ADAMTS17: variants seen among roughly 807,000 people sequenced by gnomAD.
The protein encoded by ADAMTS17 is A disintegrin and metalloproteinase with thrombospondin motifs 17.
In ADAMTS17, 113 loss-of-function variants were observed where a neutral mutation model predicts 141.5. That is an observed-to-expected ratio of 0.80 (90% CI 0.69 to 0.93). The LOEUF is 0.93. Among genes scored for constraint, ADAMTS17 ranks in the 40% least tolerant of loss-of-function variants. ADAMTS17 has a pLI of 0.00. For synonymous variants in ADAMTS17, 768 were observed against 630.6 expected (o/e 1.22, Z -3.27); for missense variants, 1,659 against 1,517.9 (o/e 1.09, Z -1.54).
At chr15:100,113,073 C>A (rs1261862509) in intron 13 of ADAMTS17, among the ~76,000 whole-genome samples, 4 of 152,150 alleles carry the variant, frequency 2.6e-5, no homozygotes, top group Admixed American at 6.5e-5. Context: ...ACTCAGACTC[C>A]TGTTCCCAAA....
intron 17 of ADAMTS17, among the ~76,000 whole-genome samples, chr15:100,049,405 T>C (rs914795847): frequency 8.5e-5 from 13 of 152,170 alleles, no homozygotes; most frequent in African/African-American, 3.1e-4. Flanking sequence ...GGCTACCTAT[T>C]ACAGAATTCC....
chr15:100,206,260 AGCCTGCCGGATGGCT>A (rs764972538), intron 7 of ADAMTS17, among the ~76,000 whole-genome samples: 8 of 152,084 alleles, frequency 5.3e-5, no homozygotes, highest in Non-Finnish European at 7.3e-5. Context: ...TGCCCTGACC[AGCCTGCCGGATGGCT>A]GCACCTCAGC....
intron 10 of ADAMTS17, among the ~76,000 whole-genome samples, chr15:100,152,352 G>A (rs1466181064): frequency 6.6e-6 from 1 of 152,142 alleles, no homozygotes; most frequent in African/African-American, 2.4e-5. Context: ...ACTGTGTGTA[G>A]ATGTGTGCCT....
intron 7 of ADAMTS17, among the ~76,000 whole-genome samples, chr15:100,223,808 T>C (rs994364413): frequency 6.6e-6 from 1 of 151,728 alleles, no homozygotes; most frequent in Non-Finnish European, 1.5e-5. Flanking sequence ...TATATATATG[T>C]GTGTGTGTGT....
intron 15 of ADAMTS17, among the ~76,000 whole-genome samples, chr15:100,070,024 G>A (rs2033854144): frequency 6.7e-6 from 1 of 150,020 alleles, no homozygotes; most frequent in African/African-American, 2.5e-5. Flanking sequence ...ACACACATAG[G>A]CTCAAAATAA....
intron 18 of ADAMTS17, among the ~76,000 whole-genome samples, chr15:100,038,956 A>G (rs2727140): frequency 0.046 from 7,013 of 152,264 alleles, 330 homozygotes; most frequent in African/African-American, 0.12. Flanking sequence ...GGTTCTTGGC[A>G]GATGCTCTTT....
At chr15:100,193,391 A>G (rs148523053) in intron 8 of ADAMTS17, among the ~76,000 whole-genome samples, 12 of 152,102 alleles carry the variant, frequency 7.9e-5, no homozygotes, top group Non-Finnish European at 1.6e-4. Context: ...AGAGAGGTGA[A>G]GTGGGTGGGT....
intron 7 of ADAMTS17, among the ~76,000 whole-genome samples, chr15:100,216,303 T>G (rs528939432): frequency 6.6e-6 from 1 of 152,240 alleles, no homozygotes; most frequent in Admixed American, 6.5e-5. Context: ...AGAAAGTATT[T>G]CTCAAGCCAA....
chr15:100,100,917 A>C (rs1308311122), intron 14 of ADAMTS17, among the ~76,000 whole-genome samples: 2 of 135,762 alleles, frequency 1.5e-5, no homozygotes, highest in Non-Finnish European at 1.6e-5. Flanking sequence ...AACCCCCTCC[A>C]GCCCACTCTT....
intron 7 of ADAMTS17, among the ~76,000 whole-genome samples, chr15:100,205,098 C>A (rs1240649663): frequency 6.6e-6 from 1 of 152,108 alleles, no homozygotes; most frequent in Non-Finnish European, 1.5e-5. Flanking sequence ...TTAATGAGAC[C>A]ACAGCTTAGG....
At chr15:100,009,500 G>T (rs1355176250) in intron 18 of ADAMTS17, among the ~76,000 whole-genome samples, 1 of 152,126 alleles carries the variant, frequency 6.6e-6, no homozygotes, top group Non-Finnish European at 1.5e-5. Flanking sequence ...GTGCCACCTT[G>T]GGGGAGTCTG....
At chr15:100,102,707 G>A (rs992996985) in intron 14 of ADAMTS17, among the ~76,000 whole-genome samples, 6 of 152,142 alleles carry the variant, frequency 3.9e-5, no homozygotes, top group East Asian at 1.9e-4. Context: ...TAACCCCAAC[G>A]CAGAAGGCTG....
intron 15 of ADAMTS17, among the ~76,000 whole-genome samples, chr15:100,075,366 T>C (rs1217448724): frequency 1.3e-5 from 2 of 152,244 alleles, no homozygotes; most frequent in African/African-American, 4.8e-5. Context: ...GAGATGGGCT[T>C]ATGGGAATTC....
chr15:100,179,097 T>C (rs533829798), intron 8 of ADAMTS17, among the ~76,000 whole-genome samples: 1 of 152,308 alleles, frequency 6.6e-6, no homozygotes, highest in Non-Finnish European at 1.5e-5. Flanking sequence ...AAGTATACTT[T>C]TTTAGTTATT....
At chr15:100,252,051 A>G (rs559270078) in intron 7 of ADAMTS17, among the ~76,000 whole-genome samples, 37 of 152,312 alleles carry the variant, frequency 2.4e-4, no homozygotes, top group African/African-American at 7.2e-4. Context: ...AAAAAGTAGT[A>G]TGATGATGTG....
intron 10 of ADAMTS17, among the ~76,000 whole-genome samples, chr15:100,146,930 C>G (rs2038934804): frequency 6.6e-6 from 1 of 152,164 alleles, no homozygotes; most frequent in Non-Finnish European, 1.5e-5. Context: ...TCTCAAAACT[C>G]TGTCTCCTGA....
chr15:100,177,134 CAG>C lies in ADAMTS17; in HGVS notation c.1182-21816_1182-21815del, dbSNP rs1736643131. Among the ~76,000 whole-genome samples the C allele has an allele frequency of 5.3e-5, 8 of 152,352 alleles. No homozygotes were observed. In the South Asian group the frequency reaches 1.7e-3, roughly 32 times the overall value. On this transcript the variant is annotated intron_variant, in intron 8 of 21. Coordinates refer to ENST00000268070, the MANE Select transcript of ADAMTS17 (RefSeq NM_139057.4). ...CCAATTCTCTGGGATAAATGCACAA[CAG>C]TGCAATTGCTGGGCCATACGTTAAG... is the stretch of plus-strand genomic sequence containing the variant.
At chr15:100,335,694 C>T (rs1201612753) in intron 2 of ADAMTS17, among the ~76,000 whole-genome samples, 5 of 152,234 alleles carry the variant, frequency 3.3e-5, no homozygotes, top group Admixed American at 2.0e-4. Flanking sequence ...TTTTTAATGC[C>T]TTAATGTGCC....
chr15:100,340,388 T>C (rs980348098), intron 2 of ADAMTS17, among the ~76,000 whole-genome samples: 1 of 152,156 alleles, frequency 6.6e-6, no homozygotes, highest in Non-Finnish European at 1.5e-5. Flanking sequence ...TTATCACCAA[T>C]GTAAACACCC....
Sources: allele counts gnomAD v4.1 joint callset (sites outside exome capture counted in the v4.1 genomes callset), GRCh38; gene constraint gnomAD v4.1.1; transcripts MANE v1.5; gene names NCBI Gene and HGNC (gene_info 2026-07-23, HGNC 2026-07-21).